Variants in CCSER1 observed in about 807,000 individuals in gnomAD.
The protein encoded by CCSER1 is serine-rich coiled-coil domain-containing protein 1.
CCSER1 carries 41 observed loss-of-function variants against 82.0 expected under a neutral mutation model. The ratio of observed to expected loss-of-function variants is 0.50; its 90% confidence interval spans 0.39 to 0.65. The LOEUF (loss-of-function observed/expected upper bound fraction) is 0.65. Ranked by LOEUF, CCSER1 falls within the 30% of genes least tolerant of loss-of-function variation. CCSER1 has a pLI of 0.00. For synonymous variants in CCSER1, 414 were observed against 383.9 expected (o/e 1.08, Z -0.92); for missense variants, 1,119 against 1,064.2 (o/e 1.05, Z -0.72).
chr4:90,536,113 A>G (rs910198500), intron 5 of CCSER1, among the ~76,000 whole-genome samples: 4 of 148,584 alleles, frequency 2.7e-5, no homozygotes, highest in African/African-American at 1.0e-4. Context: ...GCTCACTGCA[A>G]CCTTTGCCTC....
chr4:90,662,517 A>G (rs11938230), intron 6 of CCSER1, among the ~76,000 whole-genome samples: 2,222 of 152,272 alleles, frequency 0.015, 56 homozygotes, highest in African/African-American at 0.051. Flanking sequence ...AAATAATGAA[A>G]AGTAAATGTT....
At chr4:90,590,094 A>C (rs544997483) in intron 5 of CCSER1, among the ~76,000 whole-genome samples, 381 of 151,928 alleles carry the variant, frequency 2.5e-3, no homozygotes, top group Non-Finnish European at 4.5e-3. Flanking sequence ...GCCAACCTGG[A>C]GAAACCCTGT....
chr4:90,434,178 A>C (rs1242837316), intron 4 of CCSER1, among the ~76,000 whole-genome samples: 1 of 152,090 alleles, frequency 6.6e-6, no homozygotes, highest in African/African-American at 2.4e-5. Context: ...CAGATTATGC[A>C]TGAGCTTTTT....
chr4:91,479,141 G>C (rs1006422066), intron 10 of CCSER1, among the ~76,000 whole-genome samples: 14 of 149,494 alleles, frequency 9.4e-5, no homozygotes, highest in African/African-American at 3.2e-4. Context: ...ATTGACATCA[G>C]CAAAATAAAA....
chr4:91,440,388 G>A (rs568417067), intron 10 of CCSER1, among the ~76,000 whole-genome samples: 42 of 152,264 alleles, frequency 2.8e-4, no homozygotes, highest in African/African-American at 9.9e-4. Context: ...CGAAATGAAG[G>A]CAGAAATAAA....
At chr4:90,254,169 A>G (rs1014831672) in intron 1 of CCSER1, among the ~76,000 whole-genome samples, 1 of 152,158 alleles carries the variant, frequency 6.6e-6, no homozygotes, top group African/African-American at 2.4e-5. Flanking sequence ...TGTTCTTTAC[A>G]ACAGTGTCCC....
chr4:91,219,308 CTTTTTTTTTTTT>C (rs59884169), intron 10 of CCSER1, among the ~76,000 whole-genome samples: 3 of 99,910 alleles, frequency 3.0e-5, no homozygotes, highest in East Asian at 3.8e-4. Flanking sequence ...TACAGTTTGG[CTTTTTTTTTTTT>C]TTTTTTTTTT....
chr4:90,595,048 GT>G (rs1783167506), intron 5 of CCSER1, among the ~76,000 whole-genome samples: 1 of 151,948 alleles, frequency 6.6e-6, no homozygotes, highest in African/African-American at 2.4e-5. Flanking sequence ...ATTAACAAGT[GT>G]TTTGAGTTAC....
chr4:90,168,709 C>G (rs1243005840), intron 1 of CCSER1, among the ~76,000 whole-genome samples: 1 of 151,418 alleles, frequency 6.6e-6, no homozygotes, highest in East Asian at 2.0e-4. Context: ...GCCAGTTTTC[C>G]CAGCACCATT....
chr4:90,136,669 A>T (rs1214226666), intron 1 of CCSER1, among the ~76,000 whole-genome samples: 2 of 152,230 alleles, frequency 1.3e-5, no homozygotes, highest in Non-Finnish European at 2.9e-5. Context: ...CTAGGCAAGT[A>T]TCCCTTTAGA....
intron 10 of CCSER1, among the ~76,000 whole-genome samples, chr4:91,161,493 C>T (rs1281998846): frequency 2.6e-5 from 4 of 152,134 alleles, no homozygotes; most frequent in Non-Finnish European, 5.9e-5. Flanking sequence ...TTACCTTGGG[C>T]AGTATGGCCA....
At chr4:90,303,737 A>T (rs180943428) in intron 1 of CCSER1, among the ~76,000 whole-genome samples, 1 of 152,206 alleles carries the variant, frequency 6.6e-6, no homozygotes, top group East Asian at 1.9e-4. Flanking sequence ...GGACATAGGC[A>T]TGCGCAAGGA....
At chr4:90,896,713 A>G (rs1723773140) in intron 8 of CCSER1, among the ~76,000 whole-genome samples, 1 of 151,978 alleles carries the variant, frequency 6.6e-6, no homozygotes, top group Non-Finnish European at 1.5e-5. Context: ...TTTTATTTCT[A>G]GTGACATTTT....
chr4:91,491,261 A>G (rs111956632), intron 10 of CCSER1, among the ~76,000 whole-genome samples: 1,720 of 152,042 alleles, frequency 0.011, 12 homozygotes, highest in African/African-American at 0.022. Flanking sequence ...TAGACTGGCC[A>G]AGCTCCATGT....
intron 5 of CCSER1, among the ~76,000 whole-genome samples, chr4:90,535,687 G>T (rs1490470170): frequency 6.6e-6 from 1 of 151,962 alleles, no homozygotes; most frequent in Non-Finnish European, 1.5e-5. Context: ...ATAGAATACT[G>T]CCAGGCAAAT....
chr4:91,572,373 TG>T lies in CCSER1; in HGVS notation c.2218-26197del, dbSNP rs1314181007. Reference sequence around the variant, plus strand: ...GTAGGAGGTGGCTGGCTACCCTGGTTGGTAGGTCCAGCCCAGTGAGGAGGAA... The same window carrying T: ...GTAGGAGGTGGCTGGCTACCCTGGTTGTAGGTCCAGCCCAGTGAGGAGGAA... On this transcript the variant is annotated intron_variant, in intron 10 of 10. Coordinates refer to ENST00000509176, the MANE Select transcript of CCSER1 (RefSeq NM_001145065.2). Among the ~76,000 whole-genome samples the T allele has an allele frequency of 4.6e-5, 7 of 152,108 alleles. 1 individual carries two copies. The highest frequency in any genetic ancestry group is 3.9e-4 in the East Asian group (2 of 5,128).
intron 10 of CCSER1, among the ~76,000 whole-genome samples, chr4:91,276,983 T>C (rs947833489): frequency 1.3e-5 from 2 of 152,240 alleles, no homozygotes; most frequent in East Asian, 3.9e-4. Context: ...TGAACTAGTC[T>C]TGCACTGCTG....
At chr4:90,794,927 T>G (rs2149675912) in intron 7 of CCSER1, among the ~76,000 whole-genome samples, 1 of 152,262 alleles carries the variant, frequency 6.6e-6, no homozygotes, top group South Asian at 2.1e-4. Flanking sequence ...TGTGTGTGTG[T>G]GGCAACTGTA....
At chr4:90,290,162 A>G (rs752755847) in intron 1 of CCSER1, among the ~76,000 whole-genome samples, 1 of 151,892 alleles carries the variant, frequency 6.6e-6, no homozygotes, top group African/African-American at 2.4e-5. Flanking sequence ...TTTGAAATGT[A>G]TATTCCATTA....
Sources: allele counts gnomAD v4.1 joint callset (sites outside exome capture counted in the v4.1 genomes callset), GRCh38; gene constraint gnomAD v4.1.1; transcripts MANE v1.5; gene names NCBI Gene and HGNC (gene_info 2026-07-23, HGNC 2026-07-21).